The following FAM107A variants were observed in gnomAD, a reference collection of about 807,000 sequenced individuals.
FAM107A encodes actin-associated protein FAM107A.
A neutral mutation model predicts 13.7 loss-of-function variants in FAM107A; 19 were observed. That is an observed-to-expected ratio of 1.38 (90% CI 0.97 to 2.03). FAM107A has a LOEUF of 2.03. FAM107A is among the 30% of genes most tolerant of loss of function. The pLI is 0.00. For synonymous variants in FAM107A, 82 were observed against 74.5 expected, an observed-to-expected ratio of 1.10 and a Z score of -0.52; for missense variants, 203 against 184.4, an observed-to-expected ratio of 1.10 and a Z score of -0.58.
At chr3:58,625,581 G>A (rs2066006138) in intron 1 of FAM107A, among the ~76,000 whole-genome samples, 1 of 152,206 alleles carries the variant, frequency 6.6e-6, no homozygotes, top group African/African-American at 2.4e-5. Flanking sequence ...AACTGTGCAT[G>A]TAGATGTTTC....
At chr3:58,570,401 G>A (rs1018396882) in intron 1 of FAM107A, 29 of 984,228 alleles carry the variant, frequency 2.9e-5, no homozygotes, top group Non-Finnish European at 3.3e-5. Flanking sequence ...AGGAGAGCAT[G>A]AAATTCAGAG....
intron 1 of FAM107A, chr3:58,586,730 G>A (rs921638611): frequency 2.0e-6 from 2 of 1,000,318 alleles, no homozygotes; most frequent in Non-Finnish European, 2.7e-6. Flanking sequence ...AATGACGGAA[G>A]GTTAGGAAAG....
In FAM107A at chr3:58,617,586, G is replaced by A. The variant is rs1054214020; in HGVS notation, c.-70+9830C>T. Among the ~76,000 whole-genome samples the A allele has an allele frequency of 6.6e-6, 1 of 152,138 alleles. No homozygotes were observed. The highest frequency in any genetic ancestry group is 1.5e-5 in the Non-Finnish European group (1 of 68,020). The stretch of plus-strand genomic sequence containing the variant: ...AAGCCCCTTGTTTATGTTAGTTTGG[G>A]AGACACAGTGTTCTGAAAGCCGATC... On this transcript the variant is annotated intron_variant, in intron 1 of 3. Transcript: ENST00000465970. The surrounding 1 kb of genome is among the most constrained non-coding windows in gnomAD (Gnocchi z 4.5).
intron 1 of FAM107A, among the ~76,000 whole-genome samples, chr3:58,570,961 C>T (rs1437997756): frequency 6.6e-6 from 1 of 152,234 alleles, no homozygotes; most frequent in Non-Finnish European, 1.5e-5. Context: ...AAACACCAGG[C>T]TTCAGCCCCT....
chr3:58,577,617 G>T (rs2063741912), upstream of FAM107A: 4 of 985,438 alleles, frequency 4.1e-6, no homozygotes, highest in Non-Finnish European at 3.6e-6. This position sits in a 1 kb window ranked among gnomAD's most constrained non-coding sequence, Gnocchi z 4.9. Flanking sequence ...CATTTTGTCA[G>T]ATTGATGAGG....
chr3:58,574,008 C>T (rs1259462617), intron 1 of FAM107A, among the ~76,000 whole-genome samples: 3 of 152,186 alleles, frequency 2.0e-5, no homozygotes, highest in Non-Finnish European at 4.4e-5. Context: ...TGGCAAATGC[C>T]TCGTACAGAG....
At chr3:58,589,183 G>A (rs906350159), upstream of FAM107A, 29 of 1,493,786 alleles carry the variant, frequency 1.9e-5, no homozygotes, top group Non-Finnish European at 2.2e-5. Context: ...CCGCACCCAG[G>A]AATTCTAGCG....
At chr3:58,575,606 G>A (rs1353771964) in intron 1 of FAM107A, among the ~76,000 whole-genome samples, 1 of 152,206 alleles carries the variant, frequency 6.6e-6, no homozygotes, top group East Asian at 1.9e-4. Context: ...CTGTCTTCAA[G>A]GTGCAAAATG....
intron 1 of FAM107A, chr3:58,626,841 A>G: frequency 2.4e-6 from 2 of 822,712 alleles, no homozygotes; most frequent in Non-Finnish European, 3.9e-6. Context: ...CTTGGCTGTG[A>G]GTTCCAGGGG....
intron 1 of FAM107A, chr3:58,608,800 C>G (rs538072625): frequency 5.9e-5 from 9 of 152,380 alleles, no homozygotes; most frequent in Admixed American, 1.3e-4. Flanking sequence ...GATCGCGTTT[C>G]CCCTGTTCTG....
intron 2 of FAM107A, among the ~76,000 whole-genome samples, chr3:58,568,278 C>G (rs1384332498): frequency 6.6e-6 from 1 of 151,896 alleles, no homozygotes; most frequent in Non-Finnish European, 1.5e-5. Context: ...ACTAGAAATA[C>G]AAAAGAATTA....
chr3:58,611,293 G>C (rs559766187), intron 1 of FAM107A, among the ~76,000 whole-genome samples: 2 of 152,258 alleles, frequency 1.3e-5, no homozygotes, highest in East Asian at 1.9e-4. Flanking sequence ...CCCAACACCA[G>C]CTCCATCCCC....
intron 1 of FAM107A, among the ~76,000 whole-genome samples, chr3:58,595,442 T>C (rs1285461046): frequency 1.3e-5 from 2 of 152,180 alleles, no homozygotes; most frequent in Admixed American, 6.5e-5. Context: ...AACTGATCAA[T>C]TGATCTTATG....
intron 1 of FAM107A, among the ~76,000 whole-genome samples, chr3:58,619,398 A>C (rs988801812): frequency 2.6e-5 from 4 of 152,172 alleles, no homozygotes; most frequent in Non-Finnish European, 5.9e-5. Flanking sequence ...AATCTGTGGC[A>C]GTCCCTAACC....
At position 58,584,680 on chromosome 3, in the gene FAM107A, G is replaced by A. The variant is rs1279481643; in HGVS notation, c.79+2178C>T. 2.0e-5 allele frequency among the ~76,000 whole-genome samples: 3 copies of A among 152,142 alleles called. No individual in the cohort carries two copies. The South Asian group carries it at 6.2e-4, about 32-fold the overall frequency. ...TCACGCTGACTTCCCAGAACAGAACGAAATCAAATGGAGACACTTCGGCGA... is the reference window on the plus strand; with the variant it reads ...TCACGCTGACTTCCCAGAACAGAACAAAATCAAATGGAGACACTTCGGCGA... On this transcript the variant is annotated intron_variant, in intron 1 of 3. Coordinates refer to the FAM107A transcript ENST00000447756.
chr3:58,585,326 T>G (rs2065593125), intron 1 of FAM107A, among the ~76,000 whole-genome samples: 1 of 152,184 alleles, frequency 6.6e-6, no homozygotes. Flanking sequence ...GAAATCAGAT[T>G]CGTCTGATGA....
chr3:58,598,183 C>T (rs1196736083), intron 1 of FAM107A, among the ~76,000 whole-genome samples: 1 of 152,188 alleles, frequency 6.6e-6, no homozygotes, highest in African/African-American at 2.4e-5. Context: ...GAGGTGACGC[C>T]TGCCACCTCT....
At position 58,613,097 on chromosome 3, in the gene FAM107A, C is replaced by T. The variant is rs533030584; in HGVS notation, c.-70+14319G>A. The stretch of plus-strand genomic sequence containing the variant: ...TGGTCGGCAGCTCCATATCGCCAGC[C>T]GTGACTCTGCCCTGAAATCTAGCCC... On this transcript the variant is annotated intron_variant, in intron 1 of 3. Transcript: ENST00000465970. The surrounding 1 kb of genome is among the most constrained non-coding windows in gnomAD (Gnocchi z 4.6). Among the ~76,000 whole-genome samples the T allele has an allele frequency of 1.6e-4, 25 of 152,300 alleles. No homozygotes were observed. Among genetic ancestry groups the T allele is most frequent in the African/African-American group, 5.8e-4 (24 of 41,560 alleles).
chr3:58,575,275 T>C (rs1344480633), intron 1 of FAM107A, among the ~76,000 whole-genome samples: 1 of 152,170 alleles, frequency 6.6e-6, no homozygotes. Flanking sequence ...TGAGCCTCTA[T>C]ACAGCAAGGA....
Sources: allele counts gnomAD v4.1 joint callset (sites outside exome capture counted in the v4.1 genomes callset), GRCh38; gene constraint gnomAD v4.1.1; non-coding constraint Gnocchi (gnomAD v3.1); transcripts MANE v1.5; gene names NCBI Gene and HGNC (gene_info 2026-07-23, HGNC 2026-07-21).